The following CDH12 variants were observed in gnomAD, a reference collection of about 807,000 sequenced individuals.
The protein encoded by CDH12 is cadherin-12.
A neutral mutation model predicts 74.1 loss-of-function variants in CDH12; 41 were observed. The observed-to-expected ratio is 0.55, with a 90% CI of 0.43 to 0.72. CDH12 has a LOEUF of 0.72. Ranked by LOEUF, CDH12 falls within the 30% of genes least tolerant of loss-of-function variation. The pLI is 0.00. For missense variants in CDH12, 945 were observed against 977.2 expected (o/e 0.97, Z 0.44); for synonymous variants, 399 against 355.0 (o/e 1.12, Z -1.39).
At chr5:21,838,785 C>G (rs1749679409) in intron 8 of CDH12, among the ~76,000 whole-genome samples, 1 of 152,152 alleles carries the variant, frequency 6.6e-6, no homozygotes, top group South Asian at 2.1e-4. Context: ...TAAGCATACT[C>G]TAGCTTCTTT....
At chr5:22,336,457 C>G (rs1739584267) in intron 3 of CDH12, among the ~76,000 whole-genome samples, 1 of 152,140 alleles carries the variant, frequency 6.6e-6, no homozygotes, top group South Asian at 2.1e-4. Flanking sequence ...GTCCTGGAGG[C>G]CTAGGAAGAA....
At chr5:22,372,946 C>A (rs1489014932) in intron 3 of CDH12, among the ~76,000 whole-genome samples, 1 of 152,158 alleles carries the variant, frequency 6.6e-6, no homozygotes. Context: ...TCCACAGCTG[C>A]CCCAGTAAGC....
intron 1 of CDH12, among the ~76,000 whole-genome samples, chr5:22,687,882 A>C (rs959967587): frequency 2.0e-5 from 3 of 152,226 alleles, no homozygotes; most frequent in African/African-American, 7.2e-5. Flanking sequence ...AGAACAGCAA[A>C]TACAGAAGGA....
At chr5:22,063,806 A>G (rs571467772) in intron 5 of CDH12, among the ~76,000 whole-genome samples, 1 of 152,134 alleles carries the variant, frequency 6.6e-6, no homozygotes, top group South Asian at 2.1e-4. Context: ...AATAAAACAG[A>G]CATACTTCTT....
At chr5:22,385,725 A>G (rs1741967911) in intron 3 of CDH12, among the ~76,000 whole-genome samples, 1 of 152,080 alleles carries the variant, frequency 6.6e-6, no homozygotes, top group South Asian at 2.1e-4. Flanking sequence ...TGGGTAATTT[A>G]TAAATAAAAG....
intron 1 of CDH12, among the ~76,000 whole-genome samples, chr5:22,793,814 G>T (rs2036971): frequency 6.6e-6 from 1 of 150,936 alleles, no homozygotes; most frequent in Non-Finnish European, 1.5e-5. Flanking sequence ...AAAAATTACA[G>T]AAATTCCTCC....
rs113151203 is a variant in CDH12 at position 22,537,227 on chromosome 5, T to C, written c.-522-31863A>G. Among the ~76,000 whole-genome samples, 1,240 of 152,284 alleles carry C rather than the reference T, an allele frequency of 8.1e-3. 18 individuals carry two copies. The highest frequency in any genetic ancestry group is 0.028 in the African/African-American group (1,157 of 41,560). The stretch of plus-strand genomic sequence containing the variant: ...TCTTTATATCCAACCATCAACTGGG[T>C]AAGAATACTGCTGCTAAATTGTGAA... On this transcript the variant is annotated intron_variant, in intron 1 of 14. Transcript: ENST00000382254.
intron 3 of CDH12, among the ~76,000 whole-genome samples, chr5:22,294,460 T>C (rs1294792194): frequency 1.3e-5 from 2 of 152,184 alleles, no homozygotes; most frequent in Admixed American, 6.5e-5. Flanking sequence ...AGAAGGAATG[T>C]GTAGTACAAT....
intron 1 of CDH12, among the ~76,000 whole-genome samples, chr5:22,816,827 T>A (rs764735346): frequency 1.7e-4 from 26 of 152,256 alleles, no homozygotes; most frequent in Admixed American, 5.9e-4. Context: ...GGTAGAGGAT[T>A]TTCTCTAACA....
chr5:22,294,020 C>T (rs1737518079), intron 3 of CDH12, among the ~76,000 whole-genome samples: 3 of 152,002 alleles, frequency 2.0e-5, no homozygotes, highest in Admixed American at 1.3e-4. Context: ...CATATGTTAA[C>T]TACATATGTT....
intron 2 of CDH12, among the ~76,000 whole-genome samples, chr5:22,477,180 A>G (rs1036857020): frequency 6.6e-6 from 1 of 152,202 alleles, no homozygotes; most frequent in Non-Finnish European, 1.5e-5. Context: ...TTATTTCATC[A>G]GCAAGATATT....
intron 2 of CDH12, among the ~76,000 whole-genome samples, chr5:22,490,253 AC>A (rs1746802913): frequency 6.6e-6 from 1 of 152,228 alleles, no homozygotes; most frequent in Non-Finnish European, 1.5e-5. Context: ...TTTGAGTTGA[AC>A]CCAGCTGAAA....
At chr5:22,806,493 C>T (rs1181639311) in intron 1 of CDH12, among the ~76,000 whole-genome samples, 2 of 151,864 alleles carry the variant, frequency 1.3e-5, no homozygotes, top group Admixed American at 1.3e-4. Context: ...GCTGGGACTA[C>T]AGGCGCCCGC....
rs562798286 is a variant in CDH12, at chr5:22,098,311, C to T, written c.-186-19449G>A. 2.4e-4 allele frequency among the ~76,000 whole-genome samples: 37 copies of T among 152,256 alleles called. 2 individuals are homozygous for T. In the South Asian group the frequency reaches 7.5e-3, roughly 31 times the overall value. On this transcript the variant is annotated intron_variant, in intron 4 of 14. Coordinates refer to ENST00000382254, the MANE Select transcript of CDH12 (RefSeq NM_004061.5). ...AAACACATGTGCTCTCCATGCTGATCGTGTCCAGCTAATCTCCCAAACCCC... is the reference window on the plus strand; with the variant it reads ...AAACACATGTGCTCTCCATGCTGATTGTGTCCAGCTAATCTCCCAAACCCC...
intron 5 of CDH12, among the ~76,000 whole-genome samples, chr5:22,075,425 A>C (rs2150222064): frequency 6.6e-6 from 1 of 152,042 alleles, no homozygotes; most frequent in Non-Finnish European, 1.5e-5. Flanking sequence ...ACAAACCTGC[A>C]CGTTGTGCAC....
At chr5:22,536,835 G>A (rs1423772121) in intron 1 of CDH12, among the ~76,000 whole-genome samples, 1 of 152,124 alleles carries the variant, frequency 6.6e-6, no homozygotes, top group African/African-American at 2.4e-5. Flanking sequence ...GCTTAGCTCA[G>A]CCCTGAATCC....
intron 5 of CDH12, among the ~76,000 whole-genome samples, chr5:22,058,766 G>A (rs1740943814): frequency 6.7e-6 from 1 of 148,862 alleles, no homozygotes; most frequent in African/African-American, 2.5e-5. Context: ...AAGGAAGGAA[G>A]GAAGGGAGGG....
At chr5:22,417,815 AT>A (rs2126488486) in intron 2 of CDH12, among the ~76,000 whole-genome samples, 1 of 152,276 alleles carries the variant, frequency 6.6e-6, no homozygotes, top group Admixed American at 6.5e-5. Flanking sequence ...TATTTTGGAT[AT>A]TCTTATCTAA....
rs112269373 is a variant in CDH12 at position 21,915,087 on chromosome 5, A to C, written c.526+60004T>G. Among the ~76,000 whole-genome samples the C allele has an allele frequency of 2.8e-3, 428 of 152,294 alleles. 4 individuals carry two copies. Among genetic ancestry groups the C allele is most frequent in the African/African-American group, 9.6e-3 (401 of 41,556 alleles). On this transcript the variant is annotated intron_variant, in intron 6 of 14. Transcript: ENST00000382254. ...TTAATTCAGCCTGGGAAGGACCTGA[A>C]AAGTTATTGTTTTTCCTAAAAGCAA...
Sources: allele counts gnomAD v4.1 joint callset (sites outside exome capture counted in the v4.1 genomes callset), GRCh38; gene constraint gnomAD v4.1.1; transcripts MANE v1.5; gene names NCBI Gene and HGNC (gene_info 2026-07-23, HGNC 2026-07-21).